The following NUMA1 variants were observed in gnomAD, a reference collection of about 807,000 sequenced individuals.
NUMA1 encodes the protein SP-H antigen.
In NUMA1, 62 loss-of-function variants were observed where a neutral mutation model predicts 237.1. The observed-to-expected ratio is 0.26, with a 90% CI of 0.21 to 0.32. The LOEUF (loss-of-function observed/expected upper bound fraction) is 0.32. Among genes scored for constraint, NUMA1 ranks in the 10% least tolerant of loss-of-function variants. The pLI is 1.00. For missense variants in NUMA1, 2,533 were observed against 2,666.5 expected, an observed-to-expected ratio of 0.95 and a Z score of 1.10; for synonymous variants, 1,028 against 1,066.1, an observed-to-expected ratio of 0.96 and a Z score of 0.70.
At chr11:72,008,122 A>G (rs974470100) in intron 20 of NUMA1, 3 of 479,228 alleles carry the variant, frequency 6.3e-6, no homozygotes, top group Admixed American at 2.3e-5. Context: ...CAAATCAGGT[A>G]TAATTGTCAT....
chr11:72,010,366 T>C (rs974339078), intron 17 of NUMA1, among the ~76,000 whole-genome samples: 7 of 152,252 alleles, frequency 4.6e-5, no homozygotes, highest in African/African-American at 7.2e-5. Flanking sequence ...ACTCTCGTTC[T>C]TTCCCTGCCC....
intron 4 of NUMA1, 32 bp downstream of exon 4, chr11:72,029,173 A>G: frequency 6.6e-7 from 1 of 1,523,958 alleles, no homozygotes; most frequent in African/African-American, 1.4e-5. Flanking sequence ...GCTTTGCCTT[A>G]GAGGCTAGAA....
Position 72,013,555 on chromosome 11 carries a change from G to A in NUMA1, c.3948C>T (p.Thr1316=), listed in dbSNP as rs1482518501. The A allele has an allele frequency of 3.7e-6, 6 of 1,613,380 alleles. No homozygotes were observed. Among genetic ancestry groups the A allele is most frequent in the African/African-American group, 1.3e-5 (1 of 74,928 alleles). ...VASENLRQEL[T]SQAERAEELG... ...GCTCCTCCGCACGCTCAGCCTGTGA[G>A]GTCAGCTCCTGCCGCAGGTTCTCTG... is the stretch of plus-strand genomic sequence containing the variant. The change falls in exon 15 of 27, where the codon ACC becomes ACT. Residue 1316 remains threonine (T), a synonymous_variant. Transcript: ENST00000393695. The surrounding 1 kb of genome is among the most constrained non-coding windows in gnomAD (Gnocchi z 6.8).
intron 2 of NUMA1, chr11:72,050,662 C>G (rs1266934942): frequency 6.6e-6 from 1 of 152,138 alleles, no homozygotes; most frequent in Non-Finnish European, 1.5e-5. Context: ...AAGAAAATAC[C>G]TGCCTCAAGG....
In NUMA1 at chr11:72,013,474, G is replaced by C. The variant is rs976608782; in HGVS notation, c.4029C>G (p.Leu1343=). 3 of 1,613,380 alleles carry C rather than the reference G, an allele frequency of 1.9e-6. No homozygotes were observed. The African/African-American group carries it at 4.0e-5, about 22-fold the overall frequency. Residue 1343 remains leucine, a synonymous_variant, in exon 15 of 27, where the codon CTC becomes CTG. Coordinates refer to ENST00000393695, the MANE Select transcript of NUMA1 (RefSeq NM_006185.4). This position sits in a 1 kb window ranked among gnomAD's most constrained non-coding sequence, Gnocchi z 6.8. The part of the protein sequence containing the change: ...QEKFFQKEQA[L]STLQLEHTST... The stretch of plus-strand genomic sequence containing the variant: ...TGGTGTGCTCGAGCTGCAGGGTGGA[G>C]AGGGCCTGCTCTTTCTGGAAGAACT...
intron 3 of NUMA1, among the ~76,000 whole-genome samples, chr11:72,031,655 T>G (rs546266208): frequency 6.6e-6 from 1 of 151,354 alleles, no homozygotes; most frequent in South Asian, 2.1e-4. Flanking sequence ...AAAAAAATTT[T>G]TAGCTGGGTG....
intron 16 of NUMA1, among the ~76,000 whole-genome samples, chr11:72,011,126 C>T (rs900029351): frequency 6.6e-6 from 1 of 152,208 alleles, no homozygotes; most frequent in African/African-American, 2.4e-5. Flanking sequence ...GCCCAACCCC[C>T]GTCACCTCCA....
rs751031478 is a variant in NUMA1, at chr11:72,003,953, A to G, written c.6270T>C (p.Ile2090=). 6.2e-7 allele frequency: 1 copy of G among 1,613,446 alleles called. No individual in the cohort carries two copies. The highest frequency in any genetic ancestry group is 1.1e-5 in the South Asian group (1 of 91,048). Residue 2090 remains isoleucine, a synonymous_variant, in exon 26 of 27, where the codon ATT becomes ATC. Transcript: ENST00000393695. ...TRSGTRRSPR[I]ATTTASAATA... Reference sequence around the variant, plus strand: ...TGGCGGCGCTGGCTGTGGTGGTGGCAATGCGCGGAGAACGGCGGGTTCCAC... The same window carrying G: ...TGGCGGCGCTGGCTGTGGTGGTGGCGATGCGCGGAGAACGGCGGGTTCCAC...
In NUMA1 at chr11:72,015,889, G is replaced by A. The variant is rs776796095; in HGVS notation, c.1614C>T (p.Thr538=). ...GGGAGGCCTGTTCTTGCTGTTGGAGGGTCTGTGCTAGCTGGGCCTGCTTCT... is the reference window on the plus strand; with the variant it reads ...GGGAGGCCTGTTCTTGCTGTTGGAGAGTCTGTGCTAGCTGGGCCTGCTTCT... ...AKEKQAQLAQ[T]LQQQEQASQG... The change falls in exon 15 of 27, where the codon ACC becomes ACT. Residue 538 remains threonine, a synonymous_variant. Transcript: ENST00000393695. The surrounding 1 kb of genome is among the most constrained non-coding windows in gnomAD (Gnocchi z 4.0). 1.2e-6 allele frequency: 2 copies of A among 1,614,088 alleles called. No homozygotes were observed. The highest frequency in any genetic ancestry group is 1.1e-5 in the South Asian group (1 of 91,076).
chr11:72,017,884 G>A (rs944314168), intron 12 of NUMA1, 57 bp from the exon 13 acceptor site: 17 of 1,567,272 alleles, frequency 1.1e-5, no homozygotes, highest in Middle Eastern at 2.1e-4. Context: ...CCCCACCACT[G>A]CTGTCTGCTC....
intron 4 of NUMA1, chr11:72,024,638 G>A (rs1475417313): frequency 1.8e-5 from 8 of 444,854 alleles, no homozygotes; most frequent in Non-Finnish European, 2.9e-5. Flanking sequence ...GAAAGGGGCC[G>A]AGAGGAGACG....
At chr11:72,043,978 C>CAT (rs1267379400) in intron 2 of NUMA1, among the ~76,000 whole-genome samples, 2 of 152,068 alleles carry the variant, frequency 1.3e-5, no homozygotes, top group African/African-American at 4.8e-5. Flanking sequence ...GACAGAAAGA[C>CAT]ATATAGTAGC....
chr11:72,034,889 C>T (rs1013214544), intron 3 of NUMA1, among the ~76,000 whole-genome samples: 3 of 152,168 alleles, frequency 2.0e-5, no homozygotes, highest in Non-Finnish European at 2.9e-5. Context: ...CATGGTCTCA[C>T]TCTGTCGCCC....
intron 6 of NUMA1, 82 bp from the exon 7 acceptor site, chr11:72,022,501 T>C (rs1590945599): frequency 1.4e-5 from 13 of 906,628 alleles, no homozygotes; most frequent in Non-Finnish European, 2.3e-5. Flanking sequence ...CTGGGGACTC[T>C]GAGCTATTCC....
At chr11:72,037,491 G>A (rs1035480822) in intron 2 of NUMA1, among the ~76,000 whole-genome samples, 7 of 152,110 alleles carry the variant, frequency 4.6e-5, no homozygotes, top group African/African-American at 1.2e-4. Context: ...GGGTGACAGA[G>A]CGAGACTCCG....
At chr11:72,071,645 G>C (rs1417171248) in intron 1 of NUMA1, among the ~76,000 whole-genome samples, 1 of 152,182 alleles carries the variant, frequency 6.6e-6, no homozygotes, top group Non-Finnish European at 1.5e-5. Context: ...AGTTTCCTGA[G>C]TGTTAATAGT....
chr11:72,012,005 G>A (rs1410208463), intron 16 of NUMA1, among the ~76,000 whole-genome samples: 1 of 152,212 alleles, frequency 6.6e-6, no homozygotes, highest in Non-Finnish European at 1.5e-5. Flanking sequence ...GGGACACCAT[G>A]TTAAACAAGG....
intron 1 of NUMA1, among the ~76,000 whole-genome samples, chr11:72,071,343 A>G (rs1008595393): frequency 6.6e-5 from 10 of 152,354 alleles, no homozygotes; most frequent in South Asian, 6.2e-4. Flanking sequence ...AGCCTCATCA[A>G]TCAAACTATT....
chr11:72,022,633 C>T (rs1022701137), intron 6 of NUMA1, among the ~76,000 whole-genome samples: 1 of 150,232 alleles, frequency 6.7e-6, no homozygotes, highest in African/African-American at 2.5e-5. Context: ...AAAAGCTGAG[C>T]GCCAAGATTC....
Sources: gnomAD v4.1 joint callset for allele counts (sites outside exome capture counted in the v4.1 genomes callset) on GRCh38, gnomAD v4.1.1 for gene constraint, Gnocchi (gnomAD v3.1) non-coding constraint, MANE v1.5 for transcripts, NCBI Gene and HGNC (gene_info 2026-07-23, HGNC 2026-07-21) for gene names.